The following C1orf21 variants were observed in gnomAD, a reference collection of about 807,000 sequenced individuals.
C1orf21 encodes chromosome 1 open reading frame 21.
In C1orf21, 3 loss-of-function variants were observed where a neutral mutation model predicts 18.7. The observed-to-expected ratio is 0.16, with a 90% CI of 0.07 to 0.42. The LOEUF is 0.42. Ranked by LOEUF, C1orf21 falls within the 10% of genes least tolerant of loss-of-function variation. The pLI is 0.99. For missense variants in C1orf21, 104 were observed against 143.6 expected (o/e 0.72, Z 1.41); for synonymous variants, 41 against 46.4 (o/e 0.88, Z 0.47).
chr1:184,481,351 A>T (rs1185111903), intron 2 of C1orf21, among the ~76,000 whole-genome samples: 1 of 152,074 alleles, frequency 6.6e-6, no homozygotes, highest in Admixed American at 6.5e-5. Flanking sequence ...TGGGGGCATG[A>T]TCTCCTTTCA....
At chr1:184,506,127 A>G (rs895728029) in intron 2 of C1orf21, among the ~76,000 whole-genome samples, 1 of 152,344 alleles carries the variant, frequency 6.6e-6, no homozygotes, top group African/African-American at 2.4e-5. Context: ...GTATTCCTAA[A>G]GGGCTCATTA....
At chr1:184,393,357 C>CA (rs1656002409) in intron 1 of C1orf21, among the ~76,000 whole-genome samples, 1 of 152,126 alleles carries the variant, frequency 6.6e-6, no homozygotes, top group Non-Finnish European at 1.5e-5. Flanking sequence ...TTCTTCCTCC[C>CA]ACCCACTTCT....
intron 2 of C1orf21, among the ~76,000 whole-genome samples, chr1:184,504,556 C>T (rs774590844): frequency 3.9e-5 from 6 of 152,326 alleles, no homozygotes; most frequent in Middle Eastern, 3.4e-3. Context: ...CTGATGGCTG[C>T]CTTGCCTTGG....
chr1:184,601,852 G>A (rs1465271408), intron 5 of C1orf21, among the ~76,000 whole-genome samples: 1 of 151,656 alleles, frequency 6.6e-6, no homozygotes, highest in East Asian at 1.9e-4. Flanking sequence ...AGTGAGCCGA[G>A]ATCCTGCCAC....
chr1:184,525,127 G>GAA (rs941080998), intron 3 of C1orf21, among the ~76,000 whole-genome samples: 11 of 146,450 alleles, frequency 7.5e-5, no homozygotes, highest in African/African-American at 2.7e-4. Flanking sequence ...GGGATAAACA[G>GAA]AAAAAAAAAA....
At chr1:184,462,375 T>C (rs566238377) in intron 1 of C1orf21, among the ~76,000 whole-genome samples, 1 of 152,324 alleles carries the variant, frequency 6.6e-6, no homozygotes, top group East Asian at 1.9e-4. Flanking sequence ...CTCAGGTTCT[T>C]GAAACTTGGC....
At chr1:184,570,596 T>A (rs1469982040) in intron 3 of C1orf21, among the ~76,000 whole-genome samples, 1 of 152,202 alleles carries the variant, frequency 6.6e-6, no homozygotes, top group Non-Finnish European at 1.5e-5. Flanking sequence ...GTCATCAATT[T>A]AAGAAAAGGG....
chr1:184,558,871 G>T (rs1390999808), intron 3 of C1orf21, among the ~76,000 whole-genome samples: 2 of 152,204 alleles, frequency 1.3e-5, no homozygotes, highest in Non-Finnish European at 2.9e-5. Flanking sequence ...CACATACTCA[G>T]TCCCTGCTAG....
At chr1:184,453,082 C>A (rs182088480) in intron 1 of C1orf21, among the ~76,000 whole-genome samples, 1 of 152,216 alleles carries the variant, frequency 6.6e-6, no homozygotes, top group Non-Finnish European at 1.5e-5. Flanking sequence ...GGAAGACCTT[C>A]GAGCTGGGAA....
chr1:184,577,798 A>C lies in C1orf21; in HGVS notation c.190-12941A>C, dbSNP rs116466102. On this transcript the variant is annotated intron_variant, in intron 3 of 5. Transcript: ENST00000235307. ...TGTTAAAATATCAAAGACATGATGG[A>C]TGATACATTTCTTTGTTATAATATT... Among the ~76,000 whole-genome samples the C allele has an allele frequency of 4.8e-3, 732 of 152,286 alleles. 7 individuals are homozygous for C. Among genetic ancestry groups the C allele is most frequent in the African/African-American group, 0.017 (697 of 41,544 alleles).
intron 1 of C1orf21, among the ~76,000 whole-genome samples, chr1:184,451,337 C>A (rs1257863712): frequency 6.6e-6 from 1 of 152,062 alleles, no homozygotes; most frequent in Admixed American, 6.6e-5. Context: ...ATCTCCCAGA[C>A]TGGAGTGCAA....
chr1:184,561,254 C>T (rs1159139285), intron 3 of C1orf21, among the ~76,000 whole-genome samples: 1 of 152,176 alleles, frequency 6.6e-6, no homozygotes, highest in Non-Finnish European at 1.5e-5. Flanking sequence ...TCCTCAAAGA[C>T]ACTCTGGTGT....
rs1472913066 is a variant in C1orf21, at chr1:184,439,431, T to C, written c.-124-37955T>C. On this transcript the variant is annotated intron_variant, in intron 1 of 5. Coordinates refer to ENST00000235307, the MANE Select transcript of C1orf21 (RefSeq NM_030806.4). ...CTAGTATGTGATACTACCCAAGGGCTATCTATCTGCAAGGCCCTTGCTCTA... is the reference window on the plus strand; with the variant it reads ...CTAGTATGTGATACTACCCAAGGGCCATCTATCTGCAAGGCCCTTGCTCTA... Among the ~76,000 whole-genome samples the C allele has an allele frequency of 4.0e-5, 6 of 151,044 alleles. No individual in the cohort carries two copies. The Admixed American group carries it at 4.0e-4, about 10-fold the overall frequency.
At chr1:184,406,021 A>G (rs1198589905) in intron 1 of C1orf21, among the ~76,000 whole-genome samples, 1 of 152,166 alleles carries the variant, frequency 6.6e-6, no homozygotes, top group Admixed American at 6.5e-5. Context: ...TTGAGTGTCT[A>G]CCAAGTTTCC....
intron 3 of C1orf21, among the ~76,000 whole-genome samples, chr1:184,557,252 CT>C (rs1006591062): frequency 5.9e-5 from 9 of 151,822 alleles, no homozygotes; most frequent in African/African-American, 2.2e-4. Flanking sequence ...GTGTTTTTTT[CT>C]TTTTTTTAAT....
rs774662623 is a variant in C1orf21 at position 184,507,633 on chromosome 1, A to G, written c.140A>G (p.Asn47Ser). 16 of 1,606,976 alleles carry G rather than the reference A, an allele frequency of 1.0e-5. No homozygotes were observed. In the South Asian group the frequency reaches 1.6e-4, roughly 16 times the overall value. The change falls in exon 3 of 6, where the codon AAT (asparagine) becomes AGT (serine). Residue 47 changes from asparagine (N) to serine (S), a missense_variant. Coordinates refer to ENST00000235307, the MANE Select transcript of C1orf21 (RefSeq NM_030806.4). ...KPVEEVKYMK[N>S]GAEEEQKIAA... ...GTGGAAGAGGTCAAATACATGAAAAATGGGGCAGAAGAAGAGCAGAAAATA... is the reference window on the plus strand; with the variant it reads ...GTGGAAGAGGTCAAATACATGAAAAGTGGGGCAGAAGAAGAGCAGAAAATA...
intron 3 of C1orf21, among the ~76,000 whole-genome samples, chr1:184,552,804 A>G (rs538449202): frequency 6.6e-6 from 1 of 152,330 alleles, no homozygotes; most frequent in South Asian, 2.1e-4. Flanking sequence ...TTTTAATGGC[A>G]CTCAATTGGT....
chr1:184,514,687 G>A (rs1658197814), intron 3 of C1orf21, among the ~76,000 whole-genome samples: 1 of 152,158 alleles, frequency 6.6e-6, no homozygotes, highest in South Asian at 2.1e-4. Context: ...CACAAGACTA[G>A]TTCACTACAG....
intron 1 of C1orf21, among the ~76,000 whole-genome samples, chr1:184,392,144 A>G (rs1303885908): frequency 6.6e-6 from 1 of 152,206 alleles, no homozygotes; most frequent in Non-Finnish European, 1.5e-5. Flanking sequence ...GGTGAATAAC[A>G]GTGCCTAATA....
Sources: gnomAD v4.1 joint callset for allele counts (sites outside exome capture counted in the v4.1 genomes callset) on GRCh38, gnomAD v4.1.1 for gene constraint, MANE v1.5 for transcripts, NCBI Gene and HGNC (gene_info 2026-07-23, HGNC 2026-07-21) for gene names.